The following ASPM variants were observed in gnomAD, a reference collection of about 807,000 sequenced individuals.
ASPM encodes assembly factor for spindle microtubules, also known as abnormal spindle-like microcephaly-associated protein.
ASPM carries 256 observed loss-of-function variants against 366.4 expected under a neutral mutation model. The ratio of observed to expected loss-of-function variants is 0.70; its 90% confidence interval spans 0.63 to 0.77. The LOEUF is 0.77. Among genes scored for constraint, ASPM ranks in the 30% least tolerant of loss-of-function variants. The pLI, the probability that ASPM is intolerant of heterozygous loss-of-function variation, is 0.00. For missense variants in ASPM, 4,146 were observed against 4,090.4 expected (o/e 1.01, Z -0.37); for synonymous variants, 1,414 against 1,342.9 (o/e 1.05, Z -1.16).
Position 197,100,696 on chromosome 1 carries a change from T to C in ASPM, c.8555A>G (p.Tyr2852Cys), listed in dbSNP as rs758945213. The C allele has an allele frequency of 6.8e-5, 110 of 1,612,402 alleles. 1 individual carries two copies. The South Asian group carries it at 9.9e-4, about 14-fold the overall frequency. ...RIQFFLQMAV[Y>C]RRRFVQQKRA... ...TTTCTGCTGAACAAATCTTCTCCGATACACAGCCATCTGAAGGAAGAACTG... is the reference window on the plus strand; with the variant it reads ...TTTCTGCTGAACAAATCTTCTCCGACACACAGCCATCTGAAGGAAGAACTG... Residue 2852 changes from tyrosine to cysteine, a missense_variant, in exon 18 of 28, where the codon TAT becomes TGT. Tyr to Cys is a radical substitution (Grantham distance 194). Around this residue, in one of 3 missense-constraint regions of ASPM, gnomAD observed 3,624 missense variants for 3,591.7 expected, o/e 1.01. Coordinates refer to ENST00000367409, the MANE Select transcript of ASPM (RefSeq NM_018136.5).
chr1:197,088,138 T>C (rs1394583298), intron 26 of ASPM, 118 bp downstream of exon 26: 4 of 1,121,370 alleles, frequency 3.6e-6, no homozygotes, highest in Non-Finnish European at 5.2e-6. Flanking sequence ...AAAAAGCAGG[T>C]TTGAACACAC....
Position 197,086,979 on chromosome 1 carries a change from A to T in ASPM, c.10162-7T>A, listed in dbSNP as rs141402675. 1.4e-3 allele frequency: 2,279 copies of T among 1,604,054 alleles called. 25 individuals carry two copies. The African/African-American group carries it at 0.026, about 18-fold the overall frequency. ...TGGACCTACTTCGTACATCCTACAA[A>T]ATAAAATGCACAGTTACTAAAAAGT... is the stretch of plus-strand genomic sequence containing the variant. On this transcript the variant is annotated splice_polypyrimidine_tract_variant and splice_region_variant and intron_variant, in intron 26 of 27. Coordinates refer to ENST00000367409, the MANE Select transcript of ASPM (RefSeq NM_018136.5).
Position 197,084,240 on chromosome 1 carries a change from C to A in ASPM, c.*84G>T, listed in dbSNP as rs996450696. On this transcript the variant is annotated 3_prime_UTR_variant, in exon 28 of 28. Transcript: ENST00000367409. ...ACAAAGTCAGATTTTAAAAGTTGTA[C>A]ACGGAGAGCAAAAATCACTTTACGT... 1.8e-5 allele frequency: 18 copies of A among 991,402 alleles called. No homozygotes were observed. The highest frequency in any genetic ancestry group is 3.7e-5 in the Admixed American group (2 of 54,192). The allele number at this position is 991,402 out of a possible 1,614,324, so 61.4% of individuals were successfully genotyped here.
In ASPM at chr1:197,102,221, T is replaced by G. The variant is rs1369693062; in HGVS notation, c.7030A>C (p.Thr2344Pro). Residue 2344 changes from threonine to proline, a missense_variant, in exon 18 of 28, where the codon ACT becomes CCT. Around this residue, in one of 3 missense-constraint regions of ASPM, gnomAD observed 3,624 missense variants for 3,591.7 expected, o/e 1.01. Transcript: ENST00000367409. ...ATATGTAATCTGTGCATTCTGAAAG[T>G]AGACTGGATGAAAGTAGCAGCCCTG... The part of the protein sequence containing the change: ...MHRAATFIQS[T>P]FRMHRLHMRY... 6.2e-7 allele frequency: 1 copy of G among 1,612,832 alleles called. No individual in the cohort carries two copies. Among genetic ancestry groups the G allele is most frequent in the East Asian group, 2.2e-5 (1 of 44,824 alleles).
At chr1:197,124,987 T>C in intron 11 of ASPM, 32 bp from the exon 12 acceptor site, 12 of 1,606,822 alleles carry the variant, frequency 7.5e-6, no homozygotes, top group Non-Finnish European at 1.0e-5. Flanking sequence ...ATTAGCATAA[T>C]GTACGCACAT....
intron 9 of ASPM, 79 bp from the exon 10 acceptor site, chr1:197,128,744 T>C (rs969515904): frequency 1.8e-6 from 2 of 1,116,186 alleles, no homozygotes; most frequent in East Asian, 2.6e-5. Flanking sequence ...TCCAAATCAT[T>C]CTGTACATAT....
chr1:197,104,285 G>A lies in ASPM; in HGVS notation c.4966C>T (p.Leu1656Phe), dbSNP rs1461822914. ...GATTGAATCTTTATAACAGATGTGA[G>A]GATGTGAATATACATTTTCCTGGCT... The part of the protein sequence containing the change: ...MQARKMYIHI[L>F]TSVIKIQSYY... The change falls in exon 18 of 28, where the codon CTC becomes TTC. Residue 1656 changes from leucine to phenylalanine, a missense_variant. Transcript: ENST00000367409. 1.2e-6 allele frequency: 2 copies of A among 1,612,898 alleles called. No individual in the cohort carries two copies. The highest frequency in any genetic ancestry group is 3.3e-5 in the Admixed American group (2 of 59,790).
intron 17 of ASPM, among the ~76,000 whole-genome samples, chr1:197,111,118 C>A (rs2125099530): frequency 6.6e-6 from 1 of 152,134 alleles, no homozygotes; most frequent in East Asian, 1.9e-4. Context: ...AGATTCTGCA[C>A]AGCAAAATAA....
chr1:197,139,921 T>A, intron 3 of ASPM, 50 bp from the exon 4 acceptor site: 1 of 1,262,424 alleles, frequency 7.9e-7, no homozygotes, highest in Non-Finnish European at 1.2e-6. Context: ...ACAAATTCCC[T>A]AAATAGGTCA....
Position 197,143,104 on chromosome 1 carries a change from T to A in ASPM, c.1148A>T (p.Glu383Val). 1 of 1,613,140 alleles carries A rather than the reference T, an allele frequency of 6.2e-7. No homozygotes were observed. The highest frequency in any genetic ancestry group is 8.5e-7 in the Non-Finnish European group (1 of 1,179,242). Residue 383 changes from glutamate to valine, a missense_variant, in exon 3 of 28, where the codon GAA becomes GTA. By Grantham distance (121) the Glu-to-Val change is moderately radical. Coordinates refer to ENST00000367409, the MANE Select transcript of ASPM (RefSeq NM_018136.5). ...TAAAATAGGATTAACTGACTCTGAT[T>A]CTAGATCCTGATTTAGTCCATAATT... ...KDNYGLNQDL[E>V]SESVNPILSP...
Position 197,143,106 on chromosome 1 carries a change from T to C in ASPM, c.1146A>G (p.Leu382=), listed in dbSNP as rs1658650777. ...AAATAGGATTAACTGACTCTGATTC[T>C]AGATCCTGATTTAGTCCATAATTAT... ...IKDNYGLNQD[L]ESESVNPILS... is the part of the protein sequence containing the mutation. The change falls in exon 3 of 28, where the codon CTA becomes CTG. Residue 382 remains leucine, a synonymous_variant. Transcript: ENST00000367409. 2 of 1,613,038 alleles carry C rather than the reference T, an allele frequency of 1.2e-6. No individual in the cohort carries two copies. The highest frequency in any genetic ancestry group is 1.7e-6 in the Non-Finnish European group (2 of 1,179,154).
chr1:197,118,095 A>C, intron 16 of ASPM, 112 bp from the exon 17 acceptor site: 1 of 977,992 alleles, frequency 1.0e-6, no homozygotes, highest in East Asian at 2.5e-5. Flanking sequence ...TGGAAATAAA[A>C]CACCCCTACA....
chr1:197,138,306 C>T (rs907056861), intron 4 of ASPM, among the ~76,000 whole-genome samples: 12 of 152,064 alleles, frequency 7.9e-5, no homozygotes, highest in South Asian at 2.1e-4. Flanking sequence ...GGAGTTCACA[C>T]CTTTTTATTT....
In ASPM at chr1:197,103,074, G is replaced by A. The variant is rs769192125; in HGVS notation, c.6177C>T (p.Thr2059=). 1 of 1,612,434 alleles carries A rather than the reference G, an allele frequency of 6.2e-7. No homozygotes were observed. Among genetic ancestry groups the A allele is most frequent in the East Asian group, 2.2e-5 (1 of 44,810 alleles). The change falls in exon 18 of 28, where the codon ACC becomes ACT. Residue 2059 remains threonine (T), a synonymous_variant. Transcript: ENST00000367409. ...CTCTATAGGTTGCATATTTCTTTTT[G>A]GTTTTGTAAGCTCTGTATTTAGACT... ...TIQSKYRAYK[T]KKKYATYRAS... is the part of the protein sequence containing the mutation.
intron 16 of ASPM, among the ~76,000 whole-genome samples, chr1:197,121,690 C>A (rs1243156987): frequency 6.6e-6 from 1 of 152,100 alleles, no homozygotes; most frequent in Non-Finnish European, 1.5e-5. Context: ...CTGGAACAGA[C>A]TAGGTGAAGG....
Position 197,104,679 on chromosome 1 carries a change from A to G in ASPM, c.4572T>C (p.Tyr1524=). Residue 1524 remains tyrosine (Y), a synonymous_variant, in exon 18 of 28, where the codon TAT becomes TAC. Coordinates refer to ENST00000367409, the MANE Select transcript of ASPM (RefSeq NM_018136.5). ...TGGTGCGCTCAATCTTTCCTTTCAGATATGCTTTGTAGTACTTCTGGATGG... is the reference window on the plus strand; with the variant it reads ...TGGTGCGCTCAATCTTTCCTTTCAGGTATGCTTTGTAGTACTTCTGGATGG... ...ILTIQKYYKA[Y]LKGKIERTNY... is the part of the protein sequence containing the mutation. 6.2e-7 allele frequency: 1 copy of G among 1,613,030 alleles called. No homozygotes were observed. Among genetic ancestry groups the G allele is most frequent in the Non-Finnish European group, 8.5e-7 (1 of 1,179,432 alleles).
chr1:197,093,056 T>G lies in ASPM; in HGVS notation c.9290A>C (p.Lys3097Thr). 2 of 1,604,226 alleles carry G rather than the reference T, an allele frequency of 1.2e-6. No individual in the cohort carries two copies. The highest frequency in any genetic ancestry group is 2.2e-5 in the South Asian group (2 of 90,856). ...ATGCTACTTGAAAATACTTACTCTT[T>G]TTCGTACTAGCCAACCACGCACCAG... ...QALVRGWLVR[K>T]RFLEQRAKIR... The change falls in exon 21 of 28, where the codon AAA becomes ACA. Residue 3097 changes from lysine (K) to threonine (T), a missense_variant. By Grantham distance (78) the Lys-to-Thr change is moderately conservative. This residue lies in a region of ASPM where 3,624 missense variants were observed against 3,591.7 expected (regional missense o/e 1.01). Transcript: ENST00000367409.
At chr1:197,146,058 C>A in intron 1 of ASPM, 83 bp downstream of exon 1, 1 of 1,553,984 alleles carries the variant, frequency 6.4e-7, no homozygotes, top group African/African-American at 1.4e-5. Flanking sequence ...CTTCTCCAAT[C>A]GTCAACCTTC....
At chr1:197,135,271 C>G in intron 4 of ASPM, 29 bp from the exon 5 acceptor site, 1 of 1,611,226 alleles carries the variant, frequency 6.2e-7, no homozygotes, top group Non-Finnish European at 8.5e-7. Context: ...TACTGCATAA[C>G]AAAATTTCCT....
Sources: gnomAD v4.1 joint callset for allele counts (sites outside exome capture counted in the v4.1 genomes callset) on GRCh38, gnomAD v4.1.1 for gene constraint, gnomAD v4.1.1 regional missense constraint, MANE v1.5 for transcripts, NCBI Gene and HGNC (gene_info 2026-07-23, HGNC 2026-07-21) for gene names.